The following GSG1L variants were observed in gnomAD, a reference collection of about 807,000 sequenced individuals.
GSG1L encodes the protein germ cell-specific gene 1-like protein.
A neutral mutation model predicts 42.1 loss-of-function variants in GSG1L; 24 were observed. That is an observed-to-expected ratio of 0.57 (90% CI 0.41 to 0.80). The LOEUF is 0.80. Ranked by LOEUF, GSG1L falls within the 30% of genes least tolerant of loss-of-function variation. The pLI is 0.00. For missense variants in GSG1L, 445 were observed against 472.2 expected, an observed-to-expected ratio of 0.94 and a Z score of 0.53; for synonymous variants, 215 against 203.5, an observed-to-expected ratio of 1.06 and a Z score of -0.48.
At chr16:27,960,977 G>A (rs1192174410) in intron 2 of GSG1L, among the ~76,000 whole-genome samples, 2 of 151,808 alleles carry the variant, frequency 1.3e-5, no homozygotes, top group Non-Finnish European at 2.9e-5. Context: ...GCAAAATAAA[G>A]GCCTGATACC....
At chr16:27,852,103 A>T (rs2083521841) in intron 3 of GSG1L, among the ~76,000 whole-genome samples, 1 of 152,250 alleles carries the variant, frequency 6.6e-6, no homozygotes, top group Non-Finnish European at 1.5e-5. Context: ...ATTGATTTAT[A>T]ATAGAGTTTA....
chr16:27,923,780 GAGAA>G (rs2084558687), intron 2 of GSG1L, among the ~76,000 whole-genome samples: 2 of 150,124 alleles, frequency 1.3e-5, no homozygotes, highest in South Asian at 2.1e-4. Context: ...AAGAGAGAGA[GAGAA>G]AGAAAGACAG....
intron 2 of GSG1L, among the ~76,000 whole-genome samples, chr16:27,935,141 C>T (rs996861092): frequency 1.3e-5 from 2 of 152,156 alleles, no homozygotes; most frequent in Non-Finnish European, 2.9e-5. Context: ...AGGTGAGACT[C>T]GGATGGAGCC....
intron 2 of GSG1L, among the ~76,000 whole-genome samples, chr16:27,961,062 C>T (rs375930023): frequency 2.6e-5 from 4 of 152,204 alleles, no homozygotes; most frequent in African/African-American, 7.2e-5. Flanking sequence ...AATTCACACA[C>T]GCACTCACAT....
At chr16:27,960,434 G>A (rs999476574) in intron 2 of GSG1L, among the ~76,000 whole-genome samples, 7 of 152,096 alleles carry the variant, frequency 4.6e-5, no homozygotes, top group South Asian at 4.1e-4. Flanking sequence ...CGCGATTATC[G>A]TATGTGGCAG....
intron 2 of GSG1L, among the ~76,000 whole-genome samples, chr16:27,953,094 C>T (rs903431410): frequency 6.6e-6 from 1 of 152,014 alleles, no homozygotes; most frequent in Non-Finnish European, 1.5e-5. Context: ...TTGTTTTTTT[C>T]TTTTCTTTTT....
intron 5 of GSG1L, among the ~76,000 whole-genome samples, chr16:27,816,248 TC>T (rs1278030533): frequency 3.3e-5 from 5 of 152,156 alleles, no homozygotes; most frequent in African/African-American, 1.2e-4. Context: ...GCTGTCGCTG[TC>T]ATTGCCTCAG....
At chr16:27,910,330 G>C (rs1044092803) in intron 2 of GSG1L, among the ~76,000 whole-genome samples, 2 of 152,020 alleles carry the variant, frequency 1.3e-5, no homozygotes, top group African/African-American at 4.8e-5. Flanking sequence ...TAGTATTCAA[G>C]AGAAATACTA....
At chr16:28,049,302 T>C (rs1172025971) in intron 1 of GSG1L, among the ~76,000 whole-genome samples, 1 of 152,158 alleles carries the variant, frequency 6.6e-6, no homozygotes, top group Non-Finnish European at 1.5e-5. Flanking sequence ...TAAAATACTA[T>C]GCTAAATTTT....
chr16:27,980,745 G>A (rs1192258501), intron 1 of GSG1L, among the ~76,000 whole-genome samples: 9 of 152,026 alleles, frequency 5.9e-5, no homozygotes, highest in African/African-American at 2.2e-4. Context: ...AGCCAGGCAC[G>A]ATGGCACATG....
intron 2 of GSG1L, among the ~76,000 whole-genome samples, chr16:27,952,759 C>A (rs773440253): frequency 1.3e-5 from 2 of 152,236 alleles, no homozygotes; most frequent in African/African-American, 2.4e-5. Flanking sequence ...ATAGGAAACA[C>A]TTTTCTTTCC....
At chr16:27,934,103 G>A (rs1596624247) in intron 2 of GSG1L, among the ~76,000 whole-genome samples, 2 of 152,324 alleles carry the variant, frequency 1.3e-5, no homozygotes, top group South Asian at 2.1e-4. Context: ...GGGCGGGGCA[G>A]AACAACCTTC....
chr16:28,049,385 A>G (rs1353439824), intron 1 of GSG1L, among the ~76,000 whole-genome samples: 2 of 152,168 alleles, frequency 1.3e-5, no homozygotes, highest in Non-Finnish European at 2.9e-5. Flanking sequence ...AAATTGACTT[A>G]AGAAGTAGAA....
chr16:27,840,544 C>T (rs1156448967), intron 4 of GSG1L, among the ~76,000 whole-genome samples: 1 of 152,110 alleles, frequency 6.6e-6, no homozygotes, highest in Non-Finnish European at 1.5e-5. Context: ...TCGCACTCAC[C>T]GAGCAAACTC....
At chr16:28,010,511 C>G (rs16939686) in intron 1 of GSG1L, among the ~76,000 whole-genome samples, 2,157 of 152,142 alleles carry the variant, frequency 0.014, 150 homozygotes, top group Admixed American at 0.12. Context: ...ATTTGCAGAC[C>G]AAAAAAGTGC....
At chr16:27,965,968 C>T (rs1392060934) in intron 1 of GSG1L, among the ~76,000 whole-genome samples, 1 of 152,190 alleles carries the variant, frequency 6.6e-6, no homozygotes, top group Non-Finnish European at 1.5e-5. Flanking sequence ...CCTCCCTGAC[C>T]TCTTTCCCTC....
chr16:27,828,054 CCAT>C, intron 5 of GSG1L, among the ~76,000 whole-genome samples: 1 of 87,178 alleles, frequency 1.1e-5, no homozygotes, highest in Non-Finnish European at 2.2e-5. Flanking sequence ...ACCCAATCAT[CCAT>C]CCATCCATCC....
intron 1 of GSG1L, among the ~76,000 whole-genome samples, chr16:27,976,046 G>A (rs1307826658): frequency 6.6e-6 from 1 of 152,154 alleles, no homozygotes; most frequent in Non-Finnish European, 1.5e-5. Flanking sequence ...AGGCTGAGGT[G>A]GGCAGATCAC....
rs537216106 is a variant in GSG1L, at chr16:28,040,464, G to T, written c.349+22612C>A. On this transcript the variant is annotated intron_variant, in intron 1 of 6. Coordinates refer to ENST00000447459, the MANE Select transcript of GSG1L (RefSeq NM_001109763.2). This position sits in a 1 kb window ranked among gnomAD's most constrained non-coding sequence, Gnocchi z 4.1. ...CACATACTCCCCCAGAATTAATTAC[G>T]AATTCGGAAGAGTAGAGACCCCATC... 7.9e-5 allele frequency among the ~76,000 whole-genome samples: 12 copies of T among 152,102 alleles called. No homozygotes were observed. The South Asian group carries it at 2.5e-3, about 32-fold the overall frequency.
Sources: gnomAD v4.1 joint callset for allele counts (sites outside exome capture counted in the v4.1 genomes callset) on GRCh38, gnomAD v4.1.1 for gene constraint, Gnocchi (gnomAD v3.1) non-coding constraint, MANE v1.5 for transcripts, NCBI Gene and HGNC (gene_info 2026-07-23, HGNC 2026-07-21) for gene names.